The following REXO5 variants were observed in gnomAD, a reference collection of about 807,000 sequenced individuals.
The protein encoded by REXO5 is RNA exonuclease 5.
In REXO5, 48 loss-of-function variants were observed where a neutral mutation model predicts 88.5. The ratio of observed to expected loss-of-function variants is 0.54; its 90% CI spans 0.43 to 0.69. The LOEUF (loss-of-function observed/expected upper bound fraction) is 0.69, where lower values mean the gene tolerates loss of function less well. Among genes scored for constraint, REXO5 ranks in the 30% least tolerant of loss-of-function variants. The pLI is 0.00. For missense variants in REXO5, 749 were observed against 912.2 expected, an observed-to-expected ratio of 0.82 and a Z score of 2.30; for synonymous variants, 311 against 336.5, an observed-to-expected ratio of 0.92 and a Z score of 0.83.
intron 5 of REXO5, 102 bp downstream of exon 5, chr16:20,816,314 G>A: frequency 1.0e-6 from 1 of 964,538 alleles, no homozygotes; most frequent in South Asian, 1.6e-5. Context: ...ACTAGCTTAA[G>A]CACAAAAACA....
At chr16:20,816,333 T>G in intron 5 of REXO5, 121 bp downstream of exon 5, 1 of 797,212 alleles carries the variant, frequency 1.3e-6, no homozygotes, top group South Asian at 1.9e-5. Context: ...CAATTTTTTT[T>G]TTTTTTGAAA....
At chr16:20,814,308 C>T (rs2081048908) in intron 3 of REXO5, among the ~76,000 whole-genome samples, 1 of 152,210 alleles carries the variant, frequency 6.6e-6, no homozygotes, top group Non-Finnish European at 1.5e-5. Flanking sequence ...ACGATCTCCG[C>T]TCAATGCAAC....
At chr16:20,819,447 C>CTTTTTT (rs35337424) in intron 5 of REXO5, among the ~76,000 whole-genome samples, 2 of 123,450 alleles carry the variant, frequency 1.6e-5, no homozygotes, top group Non-Finnish European at 3.3e-5. Context: ...TTCTTTCCTC[C>CTTTTTT]TTTTTTTTTT....
Position 20,844,670 on chromosome 16 carries a change from C to T in REXO5, c.1761C>T (p.Thr587=). 2 of 1,614,130 alleles carry T rather than the reference C, an allele frequency of 1.2e-6. No homozygotes were observed. Among genetic ancestry groups the T allele is most frequent in the Non-Finnish European group, 1.7e-6 (2 of 1,180,014 alleles). ...CAGAGCTCACGCTTGATTGTGACAC[C>T]CTCGTGAATGAGCTGGAAGGAGATT... ...PVTELTLDCD[T]LVNELEGDSE... is the part of the protein sequence containing the mutation. Residue 587 remains threonine (T), a synonymous_variant, in exon 17 of 20, where the codon ACC becomes ACT. Coordinates refer to ENST00000261377, the MANE Select transcript of REXO5 (RefSeq NM_030941.3).
At chr16:20,820,581 T>TTTTC (rs1237317792) in intron 5 of REXO5, among the ~76,000 whole-genome samples, 2 of 51,730 alleles carry the variant, frequency 3.9e-5, no homozygotes, top group Non-Finnish European at 4.6e-5. Context: ...TTTTTTTTTT[T>TTTTC]GAGACAGAGC....
At chr16:20,835,868 C>A (rs557745373) in intron 13 of REXO5, among the ~76,000 whole-genome samples, 1 of 151,840 alleles carries the variant, frequency 6.6e-6, no homozygotes, top group South Asian at 2.1e-4. Context: ...GGCAACATGG[C>A]GAAACACTGT....
Position 20,813,197 on chromosome 16 carries a change from G to A in REXO5, c.146G>A (p.Arg49His), listed in dbSNP as rs762831695. ...CCTGATTAATCTTTGCAGAAAGCCC[G>A]CTTATCTACCATTTTATTTACTGAC... ...EESQPEAKKA[R>H]LSTILFTDNC... Residue 49 changes from arginine (R) to histidine (H), a missense_variant, in exon 3 of 20, where the codon CGC (arginine) becomes CAC (histidine). By Grantham distance (29) the Arg-to-His change is conservative. Coordinates refer to ENST00000261377, the MANE Select transcript of REXO5 (RefSeq NM_030941.3). The A allele has an allele frequency of 4.3e-6, 7 of 1,611,856 alleles. No homozygotes were observed. The highest frequency in any genetic ancestry group is 2.2e-5 in the South Asian group (2 of 91,028).
At chr16:20,849,321 T>G in intron 19 of REXO5, 78 bp from the exon 20 acceptor site, 1 of 1,357,048 alleles carries the variant, frequency 7.4e-7, no homozygotes, top group East Asian at 2.3e-5. Flanking sequence ...TGGAAAAATA[T>G]CTCCTCTAAC....
intron 13 of REXO5, among the ~76,000 whole-genome samples, chr16:20,837,380 CAGA>C (rs1221275762): frequency 6.6e-6 from 1 of 152,084 alleles, no homozygotes; most frequent in East Asian, 1.9e-4. Context: ...CTTTTATTTC[CAGA>C]AGGTTTTCTT....
At chr16:20,808,548 T>A (rs1392516475) in intron 2 of REXO5, among the ~76,000 whole-genome samples, 1 of 152,102 alleles carries the variant, frequency 6.6e-6, no homozygotes, top group Non-Finnish European at 1.5e-5. Flanking sequence ...GGTCTTATAT[T>A]CTAGTGGGCA....
At chr16:20,842,482 GTT>G (rs34872779) in intron 15 of REXO5, among the ~76,000 whole-genome samples, 5 of 140,316 alleles carry the variant, frequency 3.6e-5, no homozygotes, top group Non-Finnish European at 3.1e-5. Context: ...TGTTTTGTTT[GTT>G]TTTTTTTTTT....
At chr16:20,847,918 A>G (rs1419142334) in intron 19 of REXO5, among the ~76,000 whole-genome samples, 1 of 152,182 alleles carries the variant, frequency 6.6e-6, no homozygotes, top group Non-Finnish European at 1.5e-5. Flanking sequence ...TTCTTCCTGG[A>G]TGTTCCACAG....
At chr16:20,820,530 A>T (rs1596578146) in intron 5 of REXO5, among the ~76,000 whole-genome samples, 2 of 8,064 alleles carry the variant, frequency 2.5e-4, no homozygotes, top group African/African-American at 4.8e-4. Context: ...ATATATATAT[A>T]TATATATATA....
chr16:20,834,729 TCTA>T, intron 13 of REXO5, among the ~76,000 whole-genome samples: 1 of 152,320 alleles, frequency 6.6e-6, no homozygotes, highest in South Asian at 2.1e-4. Context: ...CAGTATCTAA[TCTA>T]CTGATAATCC....
chr16:20,848,316 C>T (rs1025324783), intron 19 of REXO5, among the ~76,000 whole-genome samples: 4 of 152,178 alleles, frequency 2.6e-5, no homozygotes, highest in African/African-American at 9.7e-5. Flanking sequence ...TTAATCCTTA[C>T]ATTTTTGGTA....
chr16:20,807,130 T>A, intron 2 of REXO5, 39 bp downstream of exon 2: 2 of 1,571,660 alleles, frequency 1.3e-6, no homozygotes, highest in South Asian at 2.3e-5. Context: ...CCCTAGGCGG[T>A]TTGGAGCTCC....
chr16:20,836,050 A>T (rs560222229), intron 13 of REXO5, among the ~76,000 whole-genome samples: 6 of 152,246 alleles, frequency 3.9e-5, no homozygotes, highest in African/African-American at 1.4e-4. Flanking sequence ...AAAAAAAGAA[A>T]GTACAGAGAG....
rs545369948 is a variant in REXO5, at chr16:20,806,816, C to T, written c.-3+111C>T. On this transcript the variant is annotated intron_variant, in intron 1 of 19. Transcript: ENST00000261377. ...CTTTTTTAGGGGAACGGGGATAGTTCGGTAAACTGAATTGAGAAGCGGATC... is the reference window on the plus strand; with the variant it reads ...CTTTTTTAGGGGAACGGGGATAGTTTGGTAAACTGAATTGAGAAGCGGATC... 10 of 1,341,718 alleles carry T rather than the reference C, an allele frequency of 7.5e-6. No homozygotes were observed. The South Asian group carries it at 1.4e-4, about 18-fold the overall frequency. 83.1% of individuals were successfully genotyped at this position (1,341,718 alleles called of 1,614,324 possible).
At chr16:20,831,922 A>G (rs2081350967) in intron 11 of REXO5, among the ~76,000 whole-genome samples, 1 of 152,204 alleles carries the variant, frequency 6.6e-6, no homozygotes, top group Non-Finnish European at 1.5e-5. Context: ...TTCATGTAAC[A>G]ATGTTAGTAG....
Sources: gnomAD v4.1 joint callset for allele counts (sites outside exome capture counted in the v4.1 genomes callset) on GRCh38, gnomAD v4.1.1 for gene constraint, MANE v1.5 for transcripts, NCBI Gene and HGNC (gene_info 2026-07-23, HGNC 2026-07-21) for gene names.